Variants in VPS8 observed in about 807,000 individuals in gnomAD.
VPS8 encodes the protein vacuolar protein sorting-associated protein 8 homolog.
A neutral mutation model predicts 216.4 loss-of-function variants in VPS8; 129 were observed. The ratio of observed to expected loss-of-function variants is 0.60; its 90% CI spans 0.52 to 0.69. The LOEUF is 0.69. Ranked by LOEUF, VPS8 falls within the 30% of genes least tolerant of loss-of-function variation. The pLI, the probability that VPS8 is intolerant of heterozygous loss-of-function variation, is 0.00. For missense variants in VPS8, 1,531 were observed against 1,683.5 expected (o/e 0.91, Z 1.59); for synonymous variants, 571 against 565.4 (o/e 1.01, Z -0.14).
chr3:184,982,562 A>G lies in VPS8; in HGVS notation c.3421-4A>G. 3 of 1,607,640 alleles carry G rather than the reference A, an allele frequency of 1.9e-6. No individual in the cohort carries two copies. Among genetic ancestry groups the G allele is most frequent in the South Asian group, 1.1e-5 (1 of 89,646 alleles). ...TTTTTCTTTGATTTTCTCTGACATT[A>G]TAGGCACTTTGGTTTCCGTTATTGG... On this transcript the variant is annotated splice_polypyrimidine_tract_variant and splice_region_variant and intron_variant, in intron 40 of 47. Transcript: ENST00000625842.
At chr3:184,986,462 G>A (rs1390199360) in intron 42 of VPS8, among the ~76,000 whole-genome samples, 1 of 152,138 alleles carries the variant, frequency 6.6e-6, no homozygotes, top group Non-Finnish European at 1.5e-5. Flanking sequence ...CAGACACAAG[G>A]GGAGGGGAGT....
At chr3:184,889,088 A>G (rs1490400185) in intron 22 of VPS8, among the ~76,000 whole-genome samples, 1 of 152,190 alleles carries the variant, frequency 6.6e-6, no homozygotes, top group Non-Finnish European at 1.5e-5. Flanking sequence ...GAAAGGAAAT[A>G]TTCTCTAACA....
chr3:185,051,757 G>T, intron 47 of VPS8, 119 bp from the exon 48 acceptor site: 1 of 1,239,878 alleles, frequency 8.1e-7, no homozygotes, highest in Non-Finnish European at 1.1e-6. Context: ...TTCAAACCCT[G>T]CATGTTACTA....
intron 6 of VPS8, 99 bp from the exon 7 acceptor site, chr3:184,839,599 T>A: frequency 8.8e-7 from 1 of 1,130,800 alleles, no homozygotes; most frequent in South Asian, 1.5e-5. Flanking sequence ...TTGTATGTCA[T>A]CTGGTGCCTA....
intron 47 of VPS8, among the ~76,000 whole-genome samples, chr3:185,051,405 A>C (rs186938905): frequency 7.1e-4 from 108 of 152,228 alleles, no homozygotes; most frequent in African/African-American, 2.1e-3. Flanking sequence ...GTTACAGAAG[A>C]GAGGTCAGAG....
At chr3:184,839,558 C>T in intron 6 of VPS8, 140 bp from the exon 7 acceptor site, 2 of 761,026 alleles carry the variant, frequency 2.6e-6, no homozygotes, top group East Asian at 5.8e-5. Context: ...CGTTTTGCCT[C>T]CTGGATGAAA....
At chr3:184,900,712 A>AT (rs1038160176) in intron 24 of VPS8, among the ~76,000 whole-genome samples, 1 of 152,122 alleles carries the variant, frequency 6.6e-6, no homozygotes, top group Non-Finnish European at 1.5e-5. Flanking sequence ...TTATTAAATG[A>AT]TTTTTTTCGG....
At chr3:185,003,928 G>A (rs1180124512) in intron 45 of VPS8, among the ~76,000 whole-genome samples, 5 of 149,812 alleles carry the variant, frequency 3.3e-5, no homozygotes, top group African/African-American at 9.9e-5. Flanking sequence ...ACGGGGTGGC[G>A]GGGCAGAGGC....
In VPS8 at chr3:184,854,148, T is replaced by C. The variant is rs1257050660; in HGVS notation, c.1010T>C (p.Val337Ala). Reference sequence around the variant, plus strand: ...ATTGGATTGAAACCATCCTTGAAAGTATGGATGACTTTTCCCTATGGCCGG... The same window carrying C: ...ATTGGATTGAAACCATCCTTGAAAGCATGGATGACTTTTCCCTATGGCCGG... The part of the protein sequence containing the change: ...LVIGLKPSLK[V>A]WMTFPYGRMD... Residue 337 changes from valine (V) to alanine (A), a missense_variant, in exon 13 of 48, where the codon GTA becomes GCA. Physicochemically the swap from Val to Ala is moderately conservative, Grantham distance 64. This residue lies in a region of VPS8 where 1,318 missense variants were observed against 1,468.4 expected (regional missense o/e 0.90). Coordinates refer to ENST00000625842, the MANE Select transcript of VPS8 (RefSeq NM_001009921.3). 1.2e-6 allele frequency: 2 copies of C among 1,613,822 alleles called. No homozygotes were observed. The highest frequency in any genetic ancestry group is 4.5e-5 in the East Asian group (2 of 44,884).
chr3:184,999,665 A>T, intron 44 of VPS8, 31 bp from the exon 45 acceptor site: 1 of 1,576,466 alleles, frequency 6.3e-7, no homozygotes, highest in Non-Finnish European at 8.6e-7. Flanking sequence ...GTGATAATAA[A>T]AAGTACAAAT....
At chr3:184,841,437 A>G (rs755332798) in intron 7 of VPS8, among the ~76,000 whole-genome samples, 5 of 152,214 alleles carry the variant, frequency 3.3e-5, no homozygotes, top group Non-Finnish European at 7.3e-5. Context: ...ATTCTATTAA[A>G]TGGATTCTTC....
chr3:185,035,390 C>T (rs1758745318), intron 46 of VPS8, among the ~76,000 whole-genome samples: 1 of 152,110 alleles, frequency 6.6e-6, no homozygotes, highest in Non-Finnish European at 1.5e-5. Flanking sequence ...TCCACCAGTA[C>T]ATCAAAAAGT....
rs192202262 is a variant in VPS8, at chr3:184,831,085, A to G, written c.223-1604A>G. ...AAGGTTGGGCTGAGAAGAAGCTAGC[A>G]TGTGACTAATAGGAGGACACATAAG... On this transcript the variant is annotated intron_variant, in intron 3 of 47. Coordinates refer to ENST00000625842, the MANE Select transcript of VPS8 (RefSeq NM_001009921.3). 1.6e-4 allele frequency among the ~76,000 whole-genome samples: 25 copies of G among 152,352 alleles called. No individual in the cohort carries two copies. The East Asian group carries it at 4.6e-3, about 28-fold the overall frequency.
At chr3:184,939,650 A>G (rs1470884980) in intron 35 of VPS8, among the ~76,000 whole-genome samples, 1 of 151,874 alleles carries the variant, frequency 6.6e-6, no homozygotes, top group Non-Finnish European at 1.5e-5. Flanking sequence ...CAAAAACAGA[A>G]CCCAGATTTT....
At chr3:184,986,313 A>G (rs951887219) in intron 42 of VPS8, among the ~76,000 whole-genome samples, 4 of 152,206 alleles carry the variant, frequency 2.6e-5, no homozygotes, top group Non-Finnish European at 5.9e-5. Flanking sequence ...ACATAGGATA[A>G]GAATAAAGAA....
intron 45 of VPS8, among the ~76,000 whole-genome samples, chr3:185,015,111 T>C (rs1755606442): frequency 6.6e-6 from 1 of 152,254 alleles, no homozygotes; most frequent in African/African-American, 2.4e-5. Context: ...ATTTGGCAAG[T>C]TGGGCATCGC....
chr3:184,977,618 G>T (rs1195853562), intron 40 of VPS8, among the ~76,000 whole-genome samples: 4 of 151,828 alleles, frequency 2.6e-5, no homozygotes, highest in Admixed American at 6.6e-5. Context: ...ATCTTAAGTT[G>T]ATCTTTGTAT....
intron 45 of VPS8, among the ~76,000 whole-genome samples, chr3:185,004,527 A>G (rs1432203221): frequency 3.2e-5 from 1 of 31,570 alleles, no homozygotes; most frequent in Non-Finnish European, 2.5e-4. Flanking sequence ...AGGGAGAGGG[A>G]GAGCTCTTTT....
At chr3:184,847,953 C>T (rs1723449533) in intron 8 of VPS8, among the ~76,000 whole-genome samples, 1 of 152,124 alleles carries the variant, frequency 6.6e-6, no homozygotes, top group Non-Finnish European at 1.5e-5. Context: ...TTCTCTGTCT[C>T]CCAAGCTGGA....
Sources: gnomAD v4.1 joint callset for allele counts (sites outside exome capture counted in the v4.1 genomes callset) on GRCh38, gnomAD v4.1.1 for gene constraint, gnomAD v4.1.1 regional missense constraint, MANE v1.5 for transcripts, NCBI Gene and HGNC (gene_info 2026-07-23, HGNC 2026-07-21) for gene names.